Variants in COG6 observed in about 807,000 individuals in gnomAD.
The protein encoded by COG6 is conserved oligomeric Golgi complex subunit 6.
In COG6, 74 loss-of-function variants were observed where a neutral mutation model predicts 88.8. That is an observed-to-expected ratio of 0.83 (90% confidence interval 0.69 to 1.01). The LOEUF (loss-of-function observed/expected upper bound fraction) is 1.01, where lower values mean the gene tolerates loss of function less well. Among genes scored for constraint, COG6 ranks in the 50% least tolerant of loss-of-function variants. The pLI is 0.00. For missense variants in COG6, 800 were observed against 797.9 expected, an observed-to-expected ratio of 1.00 and a Z score of -0.03; for synonymous variants, 286 against 278.7, an observed-to-expected ratio of 1.03 and a Z score of -0.26.
At chr13:39,681,671 T>C (rs1396480691) in intron 7 of COG6, among the ~76,000 whole-genome samples, 1 of 152,196 alleles carries the variant, frequency 6.6e-6, no homozygotes, top group East Asian at 1.9e-4. Flanking sequence ...AAAATTAGAA[T>C]AATAAAGAAA....
At chr13:39,694,229 A>C (rs967471031) in intron 11 of COG6, among the ~76,000 whole-genome samples, 1 of 151,732 alleles carries the variant, frequency 6.6e-6, no homozygotes, top group African/African-American at 2.4e-5. Flanking sequence ...ACTGGAATTT[A>C]TTTTATTTTT....
chr13:39,700,139 C>T (rs1877498176), intron 13 of COG6, among the ~76,000 whole-genome samples: 1 of 151,756 alleles, frequency 6.6e-6, no homozygotes, highest in South Asian at 2.1e-4. Flanking sequence ...TTAAATTGAG[C>T]AGGGTATTTT....
At chr13:39,729,237 G>T (rs1248697868) in intron 18 of COG6, among the ~76,000 whole-genome samples, 1 of 152,106 alleles carries the variant, frequency 6.6e-6, no homozygotes, top group African/African-American at 2.4e-5. Context: ...TGTGAACTGC[G>T]CCTGGAAGGA....
chr13:39,747,580 A>G (rs1021548163), intron 18 of COG6, among the ~76,000 whole-genome samples: 5 of 152,270 alleles, frequency 3.3e-5, no homozygotes, highest in Admixed American at 2.6e-4. Context: ...CGGAGATTGA[A>G]GACATACTAT....
At chr13:39,676,184 C>G (rs1875956290) in intron 4 of COG6, among the ~76,000 whole-genome samples, 1 of 152,002 alleles carries the variant, frequency 6.6e-6, no homozygotes. Flanking sequence ...CCCCTTCTCC[C>G]CACTATCTTC....
chr13:39,716,342 C>T (rs368419902), intron 13 of COG6, among the ~76,000 whole-genome samples: 18 of 152,010 alleles, frequency 1.2e-4, no homozygotes, highest in African/African-American at 3.9e-4. Context: ...TTGTTTGCAA[C>T]GTATATCTTT....
rs568378273 is a variant in COG6 at position 39,751,906 on chromosome 13, A to G, written c.*813A>G. 8.5e-5 allele frequency: 107 copies of G among 1,261,326 alleles called. 2 individuals are homozygous for G. The South Asian group carries it at 1.2e-3, about 14-fold the overall frequency. 78.1% of individuals were successfully genotyped at this position (1,261,326 alleles called of 1,614,324 possible). On this transcript the variant is annotated 3_prime_UTR_variant, in exon 19 of 19. Transcript: ENST00000455146. ...GTTTAAAGATGGGTATTTGTCATAC[A>G]ATATGGGTCCTAAATCCAACCAACT...
intron 13 of COG6, among the ~76,000 whole-genome samples, chr13:39,706,786 C>T (rs369487556): frequency 9.2e-5 from 14 of 151,950 alleles, no homozygotes; most frequent in East Asian, 2.0e-4. Flanking sequence ...TGGGTTCAAG[C>T]GATTCTCCTG....
chr13:39,722,996 G>A (rs190638629), intron 15 of COG6, among the ~76,000 whole-genome samples: 117 of 152,098 alleles, frequency 7.7e-4, no homozygotes, highest in Non-Finnish European at 1.4e-3. Flanking sequence ...GGAACATCAG[G>A]CCCTTATCTC....
At chr13:39,687,024 C>G (rs1333645515) in intron 8 of COG6, among the ~76,000 whole-genome samples, 4 of 152,100 alleles carry the variant, frequency 2.6e-5, no homozygotes, top group Non-Finnish European at 5.9e-5. Flanking sequence ...CCACCGCACC[C>G]AGCCTTGGAT....
chr13:39,718,323 C>A (rs1231854212), intron 13 of COG6, among the ~76,000 whole-genome samples: 1 of 152,036 alleles, frequency 6.6e-6, no homozygotes, highest in East Asian at 1.9e-4. Context: ...ATTCTTACAC[C>A]TTTCTGCCTA....
At chr13:39,694,405 C>T (rs1205708063) in intron 11 of COG6, among the ~76,000 whole-genome samples, 1 of 151,678 alleles carries the variant, frequency 6.6e-6, no homozygotes, top group East Asian at 1.9e-4. Context: ...CTGCCTTGAA[C>T]CAAATTCTGC....
At chr13:39,676,153 C>T (rs1875953012) in intron 4 of COG6, among the ~76,000 whole-genome samples, 4 of 152,140 alleles carry the variant, frequency 2.6e-5, no homozygotes, top group South Asian at 4.1e-4. Context: ...ACTTTGTACT[C>T]GTTGACCAAT....
chr13:39,776,540 T>G (rs1881468642), intron 18 of COG6, among the ~76,000 whole-genome samples: 1 of 152,234 alleles, frequency 6.6e-6, no homozygotes, highest in Non-Finnish European at 1.5e-5. Flanking sequence ...ATATTAATAC[T>G]GTACACTTTT....
intron 10 of COG6, among the ~76,000 whole-genome samples, chr13:39,688,888 G>A (rs1876820314): frequency 6.6e-6 from 1 of 152,050 alleles, no homozygotes; most frequent in African/African-American, 2.4e-5. Flanking sequence ...CTGTGGCTTG[G>A]TATCACTTGA....
intron 18 of COG6, among the ~76,000 whole-genome samples, chr13:39,738,183 C>T (rs541798552): frequency 5.9e-5 from 9 of 152,150 alleles, no homozygotes; most frequent in East Asian, 5.8e-4. Flanking sequence ...ATAGATTTGG[C>T]GTTCCTGCTT....
At chr13:39,784,984 G>T (rs780228533) in intron 18 of COG6, among the ~76,000 whole-genome samples, 1 of 152,186 alleles carries the variant, frequency 6.6e-6, no homozygotes, top group Non-Finnish European at 1.5e-5. Context: ...AACTGCCAGG[G>T]ACTAGGCAGG....
chr13:39,769,383 T>C (rs929361473), intron 18 of COG6, among the ~76,000 whole-genome samples: 1 of 152,210 alleles, frequency 6.6e-6, no homozygotes, highest in Non-Finnish European at 1.5e-5. Context: ...GTGTCCCATG[T>C]GATATTAAGA....
chr13:39,660,755 A>C (rs1874844470), intron 2 of COG6, 55 bp from the exon 3 acceptor site: 2 of 1,151,446 alleles, frequency 1.7e-6, no homozygotes, highest in Non-Finnish European at 2.6e-6. Context: ...CTAACAGAAG[A>C]GAATCTTCTT....
Sources: gnomAD v4.1 joint callset for allele counts (sites outside exome capture counted in the v4.1 genomes callset) on GRCh38, gnomAD v4.1.1 for gene constraint, MANE v1.5 for transcripts, NCBI Gene and HGNC (gene_info 2026-07-23, HGNC 2026-07-21) for gene names.